FAM149B1: variants seen among roughly 807,000 people sequenced by gnomAD.
FAM149B1 encodes the protein primary cilium assembly protein FAM149B1.
FAM149B1 carries 56 observed loss-of-function variants against 75.3 expected under a neutral mutation model. That is an observed-to-expected ratio of 0.74 (90% CI 0.60 to 0.93). The LOEUF is 0.93. Among genes scored for constraint, FAM149B1 ranks in the 40% least tolerant of loss-of-function variants. The pLI is 0.00. For missense variants in FAM149B1, 639 were observed against 708.4 expected (o/e 0.90, Z 1.11); for synonymous variants, 259 against 256.1 (o/e 1.01, Z -0.11).
intron 3 of FAM149B1, among the ~76,000 whole-genome samples, chr10:73,191,083 C>T (rs2042671134): frequency 6.6e-6 from 1 of 152,172 alleles, no homozygotes; most frequent in Admixed American, 6.5e-5. Flanking sequence ...TTTTGTTGCC[C>T]AGGCTGGAGT....
chr10:73,169,250 G>A (rs1843599064), intron 1 of FAM149B1, among the ~76,000 whole-genome samples: 1 of 151,814 alleles, frequency 6.6e-6, no homozygotes, highest in Admixed American at 6.6e-5. Flanking sequence ...ACTTGAACCC[G>A]GGAGGCAGAG....
intron 13 of FAM149B1, among the ~76,000 whole-genome samples, 189 bp downstream of exon 13, chr10:73,239,573 T>C (rs1197331102): frequency 6.6e-6 from 1 of 152,202 alleles, no homozygotes; most frequent in African/African-American, 2.4e-5. Context: ...GAGAGTTCTA[T>C]TGCTCAGAGC....
chr10:73,227,919 C>A, intron 7 of FAM149B1, 141 bp from the exon 8 acceptor site: 2 of 870,674 alleles, frequency 2.3e-6, no homozygotes, highest in Non-Finnish European at 3.6e-6. Context: ...TTGAACCATG[C>A]AGGTGGCATA....
At chr10:73,218,663 GA>G (rs948752066) in intron 7 of FAM149B1, among the ~76,000 whole-genome samples, 7 of 152,070 alleles carry the variant, frequency 4.6e-5, no homozygotes, top group African/African-American at 1.7e-4. Flanking sequence ...TCTCTTGAGA[GA>G]ACCCTTTGTG....
rs1844038566 is a variant in FAM149B1 at position 73,177,832 on chromosome 10, A to G, written c.153-14A>G. On this transcript the variant is annotated splice_polypyrimidine_tract_variant and intron_variant, in intron 2 of 13. Transcript: ENST00000242505. ...TTTTCTTTTTTCTCTCCTCCTCCCA[A>G]ATTGTGCCTTTAGCAAGTCTGACAT... 1 of 1,550,362 alleles carries G rather than the reference A, an allele frequency of 6.5e-7. No individual in the cohort carries two copies. Among genetic ancestry groups the G allele is most frequent in the Admixed American group, 2.0e-5 (1 of 50,500 alleles).
intron 7 of FAM149B1, among the ~76,000 whole-genome samples, chr10:73,222,987 G>A (rs2043452675): frequency 6.6e-6 from 1 of 152,096 alleles, no homozygotes; most frequent in South Asian, 2.1e-4. Flanking sequence ...GGGCGTGGTG[G>A]TGCATGCCTG....
At position 73,168,396 on chromosome 10, in the gene FAM149B1, C is replaced by G. The variant is rs1843544472; in HGVS notation, c.47+10C>G. The G allele has an allele frequency of 6.5e-7, 1 of 1,549,568 alleles. No homozygotes were observed. Among genetic ancestry groups the G allele is most frequent in the Non-Finnish European group, 8.7e-7 (1 of 1,146,678 alleles). On this transcript the variant is annotated intron_variant, in intron 1 of 13. Coordinates refer to ENST00000242505, the MANE Select transcript of FAM149B1 (RefSeq NM_173348.2). ...CACAGAGCTTGGAGCTGTGAGTGGA[C>G]TGCTCAGCCACCCCAGCCGGGGCGG...
chr10:73,175,485 C>A (rs952756492), intron 2 of FAM149B1, among the ~76,000 whole-genome samples: 5 of 151,798 alleles, frequency 3.3e-5, no homozygotes, highest in Non-Finnish European at 1.5e-5. Context: ...CTGGCTAACA[C>A]GGTGAAACCC....
chr10:73,200,685 A>G, intron 5 of FAM149B1: 1 of 503,150 alleles, frequency 2.0e-6, no homozygotes, highest in South Asian at 1.8e-5. Flanking sequence ...GAAGTGACCA[A>G]AAAATTCACT....
intron 7 of FAM149B1, among the ~76,000 whole-genome samples, chr10:73,226,725 T>C (rs2043559504): frequency 6.6e-6 from 1 of 152,252 alleles, no homozygotes; most frequent in African/African-American, 2.4e-5. Flanking sequence ...AAGAGCTCAA[T>C]AAATGTTAGC....
intron 7 of FAM149B1, among the ~76,000 whole-genome samples, chr10:73,211,279 G>C (rs1160594153): frequency 3.9e-5 from 6 of 152,200 alleles, no homozygotes; most frequent in Non-Finnish European, 5.9e-5. Context: ...GGCTGAAAAA[G>C]TGAAAAAGTT....
In FAM149B1 at chr10:73,168,262, C is replaced by T. The variant is rs938973031; in HGVS notation, c.-78C>T. 3.3e-6 allele frequency: 5 copies of T among 1,493,626 alleles called. No homozygotes were observed. The highest frequency in any genetic ancestry group is 2.8e-5 in the African/African-American group (2 of 70,906). The allele number at this position is 1,493,626 out of a possible 1,614,324, so 92.5% of individuals were successfully genotyped here. A position where few individuals can be genotyped will look rare whatever the true frequency, so the allele number is the denominator to read the frequency against. On this transcript the variant is annotated 5_prime_UTR_variant, in exon 1 of 14. Coordinates refer to ENST00000242505, the MANE Select transcript of FAM149B1 (RefSeq NM_173348.2). ...GGCCGGGCCGGAGCCGGCGGGAGGG[C>T]CAGGCCCGGAGGCCCCCACCCTGGC...
chr10:73,175,825 A>C (rs1354429046), intron 2 of FAM149B1, among the ~76,000 whole-genome samples: 1 of 152,182 alleles, frequency 6.6e-6, no homozygotes, highest in Non-Finnish European at 1.5e-5. Context: ...CTGGTCCTAC[A>C]ACTTATTAGC....
intron 3 of FAM149B1, among the ~76,000 whole-genome samples, chr10:73,183,001 C>A (rs1474517016): frequency 4.6e-5 from 7 of 152,310 alleles, no homozygotes; most frequent in African/African-American, 1.7e-4. Flanking sequence ...TCCTCCTGTA[C>A]AGATCCCCTC....
At position 73,170,289 on chromosome 10, in the gene FAM149B1, G is replaced by A. The variant is rs189271243; in HGVS notation, c.47+1903G>A. Among the ~76,000 whole-genome samples, 678 of 152,242 alleles carry A rather than the reference G, an allele frequency of 4.5e-3. 3 individuals are homozygous for A. Among genetic ancestry groups the A allele is most frequent in the Middle Eastern group, 0.02 (6 of 294 alleles). ...GAGGCCAAGGTGGGCGATTGCCTGA[G>A]CTCAGGAGTTCAAAACCAGCCTGGG... On this transcript the variant is annotated intron_variant, in intron 1 of 13. Transcript: ENST00000242505.
chr10:73,174,703 C>A lies in FAM149B1; in HGVS notation c.64C>A (p.His22Asn). Residue 22 changes from histidine to asparagine, a missense_variant, in exon 2 of 14, where the codon CAT becomes AAT. Transcript: ENST00000242505. ...QSLELKGITK[H>N]ALNHHPPPEK... is the part of the protein sequence containing the mutation. ...CTTTCACAGGAAAGGAATAACAAAA[C>A]ATGCTCTTAACCATCATCCCCCTCC... 1 of 1,550,218 alleles carries A rather than the reference C, an allele frequency of 6.5e-7. No homozygotes were observed. The highest frequency in any genetic ancestry group is 8.7e-7 in the Non-Finnish European group (1 of 1,146,126).
At chr10:73,186,969 A>T (rs1038207872) in intron 3 of FAM149B1, among the ~76,000 whole-genome samples, 5 of 152,226 alleles carry the variant, frequency 3.3e-5, no homozygotes, top group Admixed American at 6.5e-5. Flanking sequence ...ATAGTTGTAC[A>T]ACTGCGAATA....
intron 9 of FAM149B1, among the ~76,000 whole-genome samples, chr10:73,232,580 G>C (rs2043731134): frequency 6.6e-6 from 1 of 152,228 alleles, no homozygotes; most frequent in Admixed American, 6.5e-5. Context: ...AACAGAGTAG[G>C]AATCAGCCCC....
chr10:73,206,605 C>T (rs1475943853), intron 5 of FAM149B1, among the ~76,000 whole-genome samples: 3 of 152,244 alleles, frequency 2.0e-5, no homozygotes, highest in Admixed American at 2.0e-4. Flanking sequence ...TTCTGTGGGG[C>T]AGACCCAGGA....
Sources: allele counts gnomAD v4.1 joint callset (sites outside exome capture counted in the v4.1 genomes callset), GRCh38; gene constraint gnomAD v4.1.1; transcripts MANE v1.5; gene names NCBI Gene and HGNC (gene_info 2026-07-23, HGNC 2026-07-21).